Variants in RPS6KC1 observed in about 807,000 individuals in gnomAD.
RPS6KC1 encodes ribosomal protein S6 kinase C1.
RPS6KC1 carries 54 observed loss-of-function variants against 103.8 expected under a neutral mutation model. The observed-to-expected ratio is 0.52, with a 90% CI of 0.42 to 0.65. RPS6KC1 has a LOEUF of 0.65. Among genes scored for constraint, RPS6KC1 ranks in the 30% least tolerant of loss-of-function variants. RPS6KC1 has a pLI of 0.00. For missense variants in RPS6KC1, 1,151 were observed against 1,253.8 expected, an observed-to-expected ratio of 0.92 and a Z score of 1.24; for synonymous variants, 439 against 438.7, an observed-to-expected ratio of 1.00 and a Z score of -0.01.
At chr1:213,169,063 TA>T (rs570772533) in intron 7 of RPS6KC1, among the ~76,000 whole-genome samples, 11,408 of 148,328 alleles carry the variant, frequency 0.077, 624 homozygotes, top group Middle Eastern at 0.12. Context: ...TTAAATGAAG[TA>T]AAAAAAAAAA....
chr1:213,388,851 G>A, the RPS6KC1 span, among the ~76,000 whole-genome samples: 1 of 152,208 alleles, frequency 6.6e-6, no homozygotes, highest in East Asian at 1.9e-4. Context: ...TAAAAGACAA[G>A]ACCAAACAAA....
the RPS6KC1 span, among the ~76,000 whole-genome samples, chr1:213,477,012 C>T: frequency 3.3e-5 from 5 of 152,174 alleles, no homozygotes; most frequent in African/African-American, 1.2e-4. Context: ...CACAATTACT[C>T]TCAGCATCTT....
At chr1:213,354,300 A>G in the RPS6KC1 span, among the ~76,000 whole-genome samples, 1 of 152,196 alleles carries the variant, frequency 6.6e-6, no homozygotes, top group African/African-American at 2.4e-5. Flanking sequence ...TAGTTGTCTG[A>G]GTGCTCATAG....
At chr1:213,706,715 C>A in the RPS6KC1 span, among the ~76,000 whole-genome samples, 1 of 152,110 alleles carries the variant, frequency 6.6e-6, no homozygotes, top group Non-Finnish European at 1.5e-5. Context: ...CACCCGTTGA[C>A]AGGCCCCAGT....
At chr1:213,229,286 C>A (rs1409450633) in intron 8 of RPS6KC1, among the ~76,000 whole-genome samples, 1 of 152,092 alleles carries the variant, frequency 6.6e-6, no homozygotes, top group African/African-American at 2.4e-5. Context: ...CTTGTTTCTT[C>A]TCACCTTTTA....
intron 4 of RPS6KC1, among the ~76,000 whole-genome samples, chr1:213,114,654 TC>T: frequency 6.6e-6 from 1 of 151,800 alleles, no homozygotes; most frequent in African/African-American, 2.4e-5. Flanking sequence ...AGGGAATGCT[TC>T]CAGTTTTTGC....
the RPS6KC1 span, among the ~76,000 whole-genome samples, chr1:213,831,062 C>A: frequency 3.3e-5 from 5 of 152,154 alleles, no homozygotes; most frequent in African/African-American, 1.2e-4. Context: ...TGCTCCACAC[C>A]AGCCTCAGAG....
chr1:213,240,891 T>G lies in RPS6KC1; in HGVS notation c.1415T>G (p.Leu472Trp). The G allele has an allele frequency of 6.2e-7, 1 of 1,613,924 alleles. No homozygotes were observed. Among genetic ancestry groups the G allele is most frequent in the African/African-American group, 1.3e-5 (1 of 75,030 alleles). ...GGAAGCATGCTTAAAGCTCTGCCTT[T>G]GAAGAGTAGTCTTACTCCAAGTTCT... ...DGGSMLKALP[L>W]KSSLTPSSQD... The change falls in exon 11 of 15, where the codon TTG becomes TGG. Residue 472 changes from leucine to tryptophan, a missense_variant. By Grantham distance (61) the Leu-to-Trp change is moderately conservative. Around this residue, in one of 3 missense-constraint regions of RPS6KC1, gnomAD observed 959 missense variants for 1,006.3 expected, o/e 0.95. Transcript: ENST00000366960.
the RPS6KC1 span, among the ~76,000 whole-genome samples, chr1:213,822,853 A>T: frequency 6.6e-6 from 1 of 152,136 alleles, no homozygotes; most frequent in South Asian, 2.1e-4. Flanking sequence ...GTGTAATGAC[A>T]TCCTAACTGG....
the RPS6KC1 span, among the ~76,000 whole-genome samples, chr1:213,718,251 T>G: frequency 6.6e-6 from 1 of 152,252 alleles, no homozygotes; most frequent in African/African-American, 2.4e-5. Flanking sequence ...AAGGTAGAAC[T>G]GCTTTAGCCC....
At chr1:213,861,117 GA>G in the RPS6KC1 span, among the ~76,000 whole-genome samples, 1 of 152,130 alleles carries the variant, frequency 6.6e-6, no homozygotes, top group African/African-American at 2.4e-5. Flanking sequence ...CTAAAGCTTT[GA>G]AATTTATTTT....
intron 12 of RPS6KC1, among the ~76,000 whole-genome samples, chr1:213,246,092 C>T (rs945565192): frequency 6.6e-6 from 1 of 152,140 alleles, no homozygotes; most frequent in African/African-American, 2.4e-5. Flanking sequence ...GCATAAATGG[C>T]TGCAGCTGCA....
the RPS6KC1 span, among the ~76,000 whole-genome samples, chr1:213,359,588 A>G: frequency 6.6e-6 from 1 of 152,042 alleles, no homozygotes; most frequent in Non-Finnish European, 1.5e-5. Flanking sequence ...TGTGAATTTG[A>G]TCCTGTCATT....
At chr1:213,724,303 C>A in the RPS6KC1 span, among the ~76,000 whole-genome samples, 1,050 of 152,324 alleles carry the variant, frequency 6.9e-3, 42 homozygotes, top group East Asian at 0.067. Context: ...TGGTCTCAAA[C>A]TCCTGACCTC....
the RPS6KC1 span, among the ~76,000 whole-genome samples, chr1:213,478,475 C>T: frequency 1.3e-5 from 2 of 152,244 alleles, no homozygotes; most frequent in South Asian, 4.1e-4. Context: ...CATTTGCATT[C>T]CCATGAACAA....
chr1:213,532,248 C>A, the RPS6KC1 span, among the ~76,000 whole-genome samples: 1 of 152,134 alleles, frequency 6.6e-6, no homozygotes, highest in African/African-American at 2.4e-5. Context: ...GCAGCCCCAT[C>A]CTGAAGGTGC....
the RPS6KC1 span, among the ~76,000 whole-genome samples, chr1:213,507,653 G>A: frequency 6.6e-6 from 1 of 151,598 alleles, no homozygotes; most frequent in Non-Finnish European, 1.5e-5. Context: ...GCGGGCCTCC[G>A]GAATGGTTCT....
At chr1:213,412,993 T>C in the RPS6KC1 span, among the ~76,000 whole-genome samples, 1 of 152,258 alleles carries the variant, frequency 6.6e-6, no homozygotes, top group Non-Finnish European at 1.5e-5. Context: ...AACTATGTTT[T>C]AAGATCCTTG....
chr1:213,185,549 G>A (rs112431150), intron 8 of RPS6KC1, among the ~76,000 whole-genome samples: 5,524 of 152,162 alleles, frequency 0.036, 307 homozygotes, highest in African/African-American at 0.13. Flanking sequence ...GTGGGAGGCC[G>A]AGGCAGGAGA....
Sources: gnomAD v4.1 joint callset for allele counts (sites outside exome capture counted in the v4.1 genomes callset) on GRCh38, gnomAD v4.1.1 for gene constraint, gnomAD v4.1.1 regional missense constraint, MANE v1.5 for transcripts, NCBI Gene and HGNC (gene_info 2026-07-23, HGNC 2026-07-21) for gene names.